Variants in BRD10 observed in about 807,000 individuals in gnomAD.
BRD10 encodes bromodomain containing 10.
chr9:5,880,834 A>G, the BRD10 span, among the ~76,000 whole-genome samples: 1 of 151,766 alleles, frequency 6.6e-6, no homozygotes, highest in Admixed American at 6.6e-5. Context: ...CCTCCTGAGT[A>G]GCTAGGATTA....
chr9:5,893,614 G>C, the BRD10 span, among the ~76,000 whole-genome samples: 1 of 152,158 alleles, frequency 6.6e-6, no homozygotes, highest in East Asian at 1.9e-4. Context: ...TGAGGGAGGG[G>C]AGCCCATTGC....
chr9:6,004,719 T>C, the BRD10 span, among the ~76,000 whole-genome samples: 8,126 of 152,286 alleles, frequency 0.053, 598 homozygotes, highest in African/African-American at 0.16. Context: ...GAGTCATCTA[T>C]ATGCTGAAAA....
chr9:5,884,582 G>A, the BRD10 span, among the ~76,000 whole-genome samples: 419 of 152,304 alleles, frequency 2.8e-3, 3 homozygotes, highest in African/African-American at 9.6e-3. Context: ...TCATGCCTAT[G>A]AAGGTGATCC....
At chr9:6,006,003 A>G in the BRD10 span, among the ~76,000 whole-genome samples, 2 of 152,252 alleles carry the variant, frequency 1.3e-5, no homozygotes, top group African/African-American at 4.8e-5. Context: ...TGGGAAGCCA[A>G]TGACAAAGGT....
At chr9:5,920,412 G>C in the BRD10 span, 54 of 1,613,964 alleles carry the variant, frequency 3.3e-5, 1 homozygote, top group African/African-American at 6.0e-4. Flanking sequence ...CTCCCGACTA[G>C]ACTAGTTACA....
the BRD10 span, among the ~76,000 whole-genome samples, chr9:5,918,634 G>A: frequency 1.2e-4 from 17 of 136,028 alleles, no homozygotes; most frequent in African/African-American, 3.5e-4. Flanking sequence ...GTTTTTTGCC[G>A]TTAGTGGCTT....
the BRD10 span, chr9:5,954,045 T>C: frequency 6.4e-7 from 1 of 1,570,014 alleles, no homozygotes; most frequent in Non-Finnish European, 8.7e-7. Flanking sequence ...GGTGACTTTA[T>C]GACAGTTTTC....
chr9:5,966,514 C>A, the BRD10 span, among the ~76,000 whole-genome samples: 1 of 114,368 alleles, frequency 8.7e-6, no homozygotes. Context: ...GGCTGGGGTG[C>A]AGTGGCATGA....
the BRD10 span, chr9:6,008,099 T>C: frequency 2.0e-6 from 2 of 981,380 alleles, no homozygotes. Context: ...CCCGCCCGCC[T>C]GCTCTTCACC....
chr9:5,897,239 A>G, the BRD10 span, among the ~76,000 whole-genome samples: 2 of 152,252 alleles, frequency 1.3e-5, no homozygotes, highest in African/African-American at 4.8e-5. Flanking sequence ...AAGATAATTT[A>G]GCCCCAATAA....
the BRD10 span, among the ~76,000 whole-genome samples, chr9:5,907,546 A>G: frequency 6.6e-6 from 1 of 152,206 alleles, no homozygotes; most frequent in Non-Finnish European, 1.5e-5. Flanking sequence ...TTCATTAATG[A>G]TTTTTATATT....
At chr9:5,892,504 T>C in the BRD10 span, 2 of 1,613,912 alleles carry the variant, frequency 1.2e-6, no homozygotes, top group Non-Finnish European at 1.7e-6. Context: ...ACTTCATCTA[T>C]GGTTACCCCA....
the BRD10 span, among the ~76,000 whole-genome samples, chr9:6,004,466 G>GGCT: frequency 6.6e-6 from 1 of 152,058 alleles, no homozygotes; most frequent in African/African-American, 2.4e-5. Flanking sequence ...AATGCTATTG[G>GGCT]GCTGCTCTCT....
the BRD10 span, chr9:5,921,067 C>G: frequency 6.2e-7 from 1 of 1,613,862 alleles, no homozygotes; most frequent in African/African-American, 1.3e-5. Context: ...CTGAAGAAAC[C>G]ACTGATTCAT....
chr9:5,897,703 T>C, the BRD10 span: 2 of 1,433,418 alleles, frequency 1.4e-6, no homozygotes, highest in Non-Finnish European at 2.0e-6. Flanking sequence ...GGGCCCTCTT[T>C]CCAGTTCTTT....
chr9:5,955,330 T>C, the BRD10 span, among the ~76,000 whole-genome samples: 1 of 152,182 alleles, frequency 6.6e-6, no homozygotes, highest in African/African-American at 2.4e-5. Context: ...GCAATACTTT[T>C]CTGTCATTTT....
At chr9:5,996,791 G>GT in the BRD10 span, among the ~76,000 whole-genome samples, 5 of 152,178 alleles carry the variant, frequency 3.3e-5, no homozygotes, top group Non-Finnish European at 7.3e-5. Flanking sequence ...AGCATTTTTA[G>GT]TAAGTTAGGG....
At chr9:5,991,878 A>G in the BRD10 span, among the ~76,000 whole-genome samples, 1 of 152,130 alleles carries the variant, frequency 6.6e-6, no homozygotes, top group Non-Finnish European at 1.5e-5. Flanking sequence ...ATTTTCTGCC[A>G]TTCTGACCTT....
the BRD10 span, among the ~76,000 whole-genome samples, chr9:5,983,962 TACACACACACACAC>T: frequency 1.9e-4 from 24 of 129,724 alleles, no homozygotes; most frequent in South Asian, 1.3e-3. Context: ...GTATATGCAT[TACACACACACACAC>T]ACACACACAC....
Sources: gnomAD v4.1 joint callset for allele counts (sites outside exome capture counted in the v4.1 genomes callset) on GRCh38, gnomAD v4.1.1 for gene constraint, MANE v1.5 for transcripts, NCBI Gene and HGNC (gene_info 2026-07-23, HGNC 2026-07-21) for gene names.